The following DPP8 variants were observed in gnomAD, a reference collection of about 807,000 sequenced individuals.
DPP8 encodes the protein DPP VIII.
Under a neutral mutation model 107.5 loss-of-function variants are expected in DPP8, and 31 were observed. The ratio of observed to expected loss-of-function variants is 0.29; its 90% CI spans 0.22 to 0.39. The LOEUF is 0.39. Ranked by LOEUF, DPP8 falls within the 10% of genes least tolerant of loss-of-function variation. The pLI, the probability that DPP8 is intolerant of heterozygous loss-of-function variation, is 1.00. For missense variants in DPP8, 842 were observed against 1,076.1 expected (o/e 0.78, Z 3.04); for synonymous variants, 381 against 356.6 (o/e 1.07, Z -0.77).
intron 5 of DPP8, among the ~76,000 whole-genome samples, chr15:65,494,646 G>GA (rs5813355): frequency 0.027 from 3,102 of 114,314 alleles, 235 homozygotes; most frequent in African/African-American, 0.099. Flanking sequence ...CAAAAAAATT[G>GA]AAAAAAAAAA....
At position 65,489,445 on chromosome 15, in the gene DPP8, G is replaced by A. The variant is rs184890868; in HGVS notation, c.826+744C>T. ...TTTTTTTTTTTTGAGACAGAGTCTC[G>A]CTGTGTCGCCCAGGCTGGAGTGCAG... On this transcript the variant is annotated intron_variant, in intron 6 of 19. Coordinates refer to ENST00000300141, the MANE Select transcript of DPP8 (RefSeq NM_130434.5). 8.3e-3 allele frequency among the ~76,000 whole-genome samples: 987 copies of A among 119,206 alleles called. 12 individuals are homozygous for A. The highest frequency in any genetic ancestry group is 0.03 in the African/African-American group (933 of 30,696). The allele number at this position is 119,206 out of a possible 152,430, so 78.2% of individuals were successfully genotyped here.
intron 12 of DPP8, among the ~76,000 whole-genome samples, chr15:65,469,195 G>T (rs982249501): frequency 6.6e-6 from 1 of 151,356 alleles, no homozygotes; most frequent in Non-Finnish European, 1.5e-5. Flanking sequence ...GGCTGGTCTC[G>T]AACTCCTGAC....
chr15:65,496,428 C>G (rs1179419457), intron 5 of DPP8, among the ~76,000 whole-genome samples: 1 of 152,132 alleles, frequency 6.6e-6, no homozygotes, highest in African/African-American at 2.4e-5. Context: ...TACTTAAACT[C>G]TGGTTCACGT....
intron 14 of DPP8, among the ~76,000 whole-genome samples, chr15:65,466,107 G>C (rs954205335): frequency 1.9e-4 from 29 of 152,162 alleles, no homozygotes; most frequent in African/African-American, 6.7e-4. Flanking sequence ...TGAATAAATT[G>C]TTTCCTAGCT....
intron 11 of DPP8, among the ~76,000 whole-genome samples, chr15:65,478,473 T>G (rs1187393567): frequency 6.6e-6 from 1 of 152,206 alleles, no homozygotes; most frequent in East Asian, 1.9e-4. Context: ...TTGGCCAGGC[T>G]GGTCTCAAAC....
Position 65,500,764 on chromosome 15 carries a change from C to T in DPP8, c.388G>A (p.Gly130Arg). The T allele has an allele frequency of 6.2e-7, 1 of 1,613,810 alleles. No homozygotes were observed. The highest frequency in any genetic ancestry group is 8.5e-7 in the Non-Finnish European group (1 of 1,179,856). The change falls in exon 4 of 20, where the codon GGA becomes AGA. Residue 130 changes from glycine to arginine, a missense_variant. Physicochemically the swap from Gly to Arg is moderately radical, Grantham distance 125. This residue lies in a region of DPP8 where 663 missense variants were observed against 758.0 expected (regional missense o/e 0.87). Coordinates refer to ENST00000300141, the MANE Select transcript of DPP8 (RefSeq NM_130434.5). Reference protein sequence around the residue: ...LDLFQATLDYGMYSREEELLR... With the variant: ...LDLFQATLDYRMYSREEELLR... ...AGTTCTTCTTCTCGAGAATACATTC[C>T]ATAGTCCAGTGTTGCCTAATGTGAA...
Position 65,479,023 on chromosome 15 carries a change from T to C in DPP8, c.1313A>G (p.His438Arg). 2 of 1,583,086 alleles carry C rather than the reference T, an allele frequency of 1.3e-6. No individual in the cohort carries two copies. The highest frequency in any genetic ancestry group is 1.7e-6 in the Non-Finnish European group (2 of 1,168,290). ...CTCTTCGTGACTTTGGGGAAAAACA[T>C]GAAAGATGTCATGGATCTGTAAAAT... The part of the protein sequence containing the change: ...DIWINIHDIF[H>R]VFPQSHEEEI... The change falls in exon 11 of 20, where the codon CAT (histidine) becomes CGT (arginine). Residue 438 changes from histidine (H) to arginine (R), a missense_variant. By Grantham distance (29) the His-to-Arg change is conservative. Around this residue, in one of 2 missense-constraint regions of DPP8, gnomAD observed 663 missense variants for 758.0 expected, o/e 0.87. Coordinates refer to ENST00000300141, the MANE Select transcript of DPP8 (RefSeq NM_130434.5).
chr15:65,485,670 C>T (rs944075860), intron 7 of DPP8, among the ~76,000 whole-genome samples: 2 of 151,686 alleles, frequency 1.3e-5, no homozygotes, highest in Admixed American at 6.6e-5. Context: ...TCAAGAGTAA[C>T]GTATATGCCA....
In DPP8 at chr15:65,456,234, T is replaced by C; in HGVS notation, c.2109A>G (p.Lys703=). The C allele has an allele frequency of 6.2e-7, 1 of 1,607,530 alleles. No individual in the cohort carries two copies. Among genetic ancestry groups the C allele is most frequent in the Non-Finnish European group, 8.5e-7 (1 of 1,178,490 alleles). ...HRGLKFEGAF[K]YKMGQIEIDD... The stretch of plus-strand genomic sequence containing the variant: ...TTTTATGCTCACACACCATTTTATA[T>C]TTAAAGGCGCCTTCAAATTTAAGCC... Residue 703 remains lysine (K), a synonymous_variant, in exon 16 of 20, where the codon AAA becomes AAG. Coordinates refer to ENST00000300141, the MANE Select transcript of DPP8 (RefSeq NM_130434.5).
intron 12 of DPP8, among the ~76,000 whole-genome samples, chr15:65,468,900 G>C (rs2065599478): frequency 6.6e-6 from 1 of 152,100 alleles, no homozygotes; most frequent in South Asian, 2.1e-4. Context: ...ATTGTGTGGG[G>C]GGCTTGTTAA....
rs115108099 is a variant in DPP8, at chr15:65,505,434, G to A, written c.372+1809C>T. On this transcript the variant is annotated intron_variant, in intron 3 of 19. Transcript: ENST00000300141. ...TAGTAGGGCTACAATCAACACTGATGCCTAAGATTTAATCCTTGTTGAAAA... is the reference window on the plus strand; with the variant it reads ...TAGTAGGGCTACAATCAACACTGATACCTAAGATTTAATCCTTGTTGAAAA... 2.5e-3 allele frequency among the ~76,000 whole-genome samples: 386 copies of A among 152,102 alleles called. 1 individual carries two copies. The highest frequency in any genetic ancestry group is 9.0e-3 in the African/African-American group (372 of 41,492).
chr15:65,473,827 G>A (rs1439577424), intron 12 of DPP8, among the ~76,000 whole-genome samples: 2 of 152,148 alleles, frequency 1.3e-5, no homozygotes, highest in Admixed American at 6.5e-5. Flanking sequence ...GGGTCGGCTG[G>A]GCGCAGTGGC....
intron 3 of DPP8, among the ~76,000 whole-genome samples, chr15:65,505,536 T>C (rs1295050863): frequency 1.3e-5 from 2 of 152,206 alleles, no homozygotes; most frequent in Non-Finnish European, 2.9e-5. Flanking sequence ...CCAATTTTTC[T>C]GAGAAAATTA....
chr15:65,471,583 C>T (rs1400733478), intron 12 of DPP8, among the ~76,000 whole-genome samples: 4 of 149,824 alleles, frequency 2.7e-5, no homozygotes, highest in Non-Finnish European at 5.9e-5. Context: ...AACTCCTGGG[C>T]TAAAGCAATC....
In DPP8 at chr15:65,442,775, G is replaced by C. The variant is rs2063342512; in HGVS notation, c.*4109C>G. 1.3e-5 allele frequency: 2 copies of C among 152,166 alleles called. No homozygotes were observed. Among genetic ancestry groups the C allele is most frequent in the Non-Finnish European group, 2.9e-5 (2 of 68,026 alleles). 9.4% of individuals were successfully genotyped at this position (152,166 alleles called of 1,614,324 possible). On this transcript the variant is annotated 3_prime_UTR_variant, in exon 20 of 20. Transcript: ENST00000300141. ...AGGACTTATGAAATGATCACCTAGA[G>C]CCCAGGACCTTGCACTAACATCTCT...
intron 5 of DPP8, among the ~76,000 whole-genome samples, chr15:65,494,677 C>T (rs958194001): frequency 3.3e-5 from 4 of 121,398 alleles, no homozygotes; most frequent in African/African-American, 6.0e-5. Context: ...ATGAAAAAAT[C>T]GCTAGGATTT....
chr15:65,499,990 G>C (rs1397809029), intron 4 of DPP8, among the ~76,000 whole-genome samples: 2 of 152,054 alleles, frequency 1.3e-5, no homozygotes, highest in African/African-American at 4.8e-5. Flanking sequence ...TTGACCTCCA[G>C]GTTCAAGTGA....
intron 15 of DPP8, among the ~76,000 whole-genome samples, chr15:65,463,258 G>T (rs2065064292): frequency 6.6e-6 from 1 of 152,194 alleles, no homozygotes; most frequent in Non-Finnish European, 1.5e-5. Context: ...TGCCTTAGTG[G>T]CAGGGCACGG....
chr15:65,501,024 C>T (rs2140999406), intron 3 of DPP8, among the ~76,000 whole-genome samples: 1 of 151,970 alleles, frequency 6.6e-6, no homozygotes, highest in South Asian at 2.1e-4. Flanking sequence ...ACTACAGGCG[C>T]CCGCAACCAC....
Sources: allele counts gnomAD v4.1 joint callset (sites outside exome capture counted in the v4.1 genomes callset), GRCh38; gene constraint gnomAD v4.1.1; regional missense constraint gnomAD v4.1.1; transcripts MANE v1.5; gene names NCBI Gene and HGNC (gene_info 2026-07-23, HGNC 2026-07-21).